LONP2: variants seen among roughly 807,000 people sequenced by gnomAD.
LONP2 encodes the protein lon protease homolog 2, peroxisomal.
LONP2 carries 60 observed loss-of-function variants against 85.6 expected under a neutral mutation model. The ratio of observed to expected loss-of-function variants is 0.70; its 90% CI spans 0.57 to 0.87. LONP2 has a LOEUF of 0.87. Ranked by LOEUF, LONP2 falls within the 40% of genes least tolerant of loss-of-function variation. The pLI, the probability that LONP2 is intolerant of heterozygous loss-of-function variation, is 0.00. For missense variants in LONP2, 860 were observed against 1,063.5 expected, an observed-to-expected ratio of 0.81 and a Z score of 2.66; for synonymous variants, 395 against 389.7, an observed-to-expected ratio of 1.01 and a Z score of -0.16.
At chr16:48,279,624 CT>C (rs1567320477) in intron 8 of LONP2, among the ~76,000 whole-genome samples, 1 of 151,124 alleles carries the variant, frequency 6.6e-6, no homozygotes, top group Non-Finnish European at 1.5e-5. Flanking sequence ...GTTTTATGTT[CT>C]TAAGAAAATA....
At chr16:48,263,605 T>TC (rs1260267239) in intron 6 of LONP2, among the ~76,000 whole-genome samples, 2 of 152,222 alleles carry the variant, frequency 1.3e-5, no homozygotes, top group Non-Finnish European at 2.9e-5. Flanking sequence ...CACTTATGTG[T>TC]CAGTAGACAT....
chr16:48,359,313 C>G (rs190455168), downstream of LONP2, among the ~76,000 whole-genome samples: 1 of 152,190 alleles, frequency 6.6e-6, no homozygotes, highest in African/African-American at 2.4e-5. Flanking sequence ...TATAATGTAA[C>G]CCTTTCACCA....
At chr16:48,321,085 A>G (rs1973253413) in intron 11 of LONP2, among the ~76,000 whole-genome samples, 1 of 152,064 alleles carries the variant, frequency 6.6e-6, no homozygotes, top group Admixed American at 6.5e-5. Context: ...AGGTTTTGCC[A>G]TGTTGCTCAG....
At chr16:48,361,955 T>C (rs1304182008), downstream of LONP2, 7 of 1,614,148 alleles carry the variant, frequency 4.3e-6, no homozygotes, top group East Asian at 1.3e-4. Flanking sequence ...CCTCTCCCTG[T>C]AGGGTTGTAA....
chr16:48,343,056 CAG>C (rs1456004459), intron 12 of LONP2, among the ~76,000 whole-genome samples: 2 of 152,206 alleles, frequency 1.3e-5, no homozygotes, highest in Non-Finnish European at 2.9e-5. Context: ...TCTCTCCAAA[CAG>C]GGAGGGACGC....
intron 8 of LONP2, among the ~76,000 whole-genome samples, chr16:48,283,251 A>G (rs777717103): frequency 3.9e-5 from 6 of 152,270 alleles, no homozygotes; most frequent in Non-Finnish European, 5.9e-5. Context: ...AAGCTGCATC[A>G]TGTTATCTAT....
intron 11 of LONP2, among the ~76,000 whole-genome samples, chr16:48,305,219 C>T (rs1480274145): frequency 6.6e-6 from 1 of 152,092 alleles, no homozygotes; most frequent in African/African-American, 2.4e-5. Context: ...GTATTTTATC[C>T]AGACTTTAAA....
At chr16:48,315,159 C>T (rs1376217891) in intron 11 of LONP2, among the ~76,000 whole-genome samples, 1 of 152,152 alleles carries the variant, frequency 6.6e-6, no homozygotes, top group Non-Finnish European at 1.5e-5. Context: ...AATGACAATT[C>T]GGTAGGATTC....
At position 48,268,164 on chromosome 16, in the gene LONP2, C is replaced by G. The variant is rs1018855514; in HGVS notation, c.983-1852C>G. ...AAAACAGGAAGCATGCTTTCTGAAT[C>G]ATTAAAGAGAATAATTAGAAAAATA... On this transcript the variant is annotated intron_variant, in intron 6 of 14. Transcript: ENST00000285737. 2.0e-5 allele frequency among the ~76,000 whole-genome samples: 3 copies of G among 152,002 alleles called. No individual in the cohort carries two copies. The South Asian group carries it at 6.2e-4, about 32-fold the overall frequency.
At chr16:48,325,288 G>A (rs1478700255) in intron 11 of LONP2, among the ~76,000 whole-genome samples, 2 of 152,170 alleles carry the variant, frequency 1.3e-5, no homozygotes, top group Non-Finnish European at 2.9e-5. Flanking sequence ...CTCCTGACAG[G>A]CCATGGACTG....
intron 7 of LONP2, among the ~76,000 whole-genome samples, chr16:48,271,013 T>C (rs1972092072): frequency 6.6e-6 from 1 of 152,042 alleles, no homozygotes; most frequent in Non-Finnish European, 1.5e-5. Flanking sequence ...AATTTTTGTC[T>C]CCACAAAAAT....
chr16:48,253,106 A>T (rs1488440019), intron 2 of LONP2, among the ~76,000 whole-genome samples: 1 of 152,194 alleles, frequency 6.6e-6, no homozygotes, highest in Non-Finnish European at 1.5e-5. Context: ...GTTCATAGCC[A>T]GTGGTATTTG....
intron 8 of LONP2, among the ~76,000 whole-genome samples, chr16:48,294,503 C>T (rs773696778): frequency 1.5e-4 from 23 of 152,114 alleles, no homozygotes; most frequent in Non-Finnish European, 2.5e-4. Flanking sequence ...TGGTAGCGCA[C>T]GTCTGTAATC....
Position 48,325,968 on chromosome 16 carries a change from G to A in LONP2, c.1796-8248G>A, listed in dbSNP as rs529727393. On this transcript the variant is annotated intron_variant, in intron 11 of 14. Coordinates refer to ENST00000285737, the MANE Select transcript of LONP2 (RefSeq NM_031490.5). ...GTTGGGACAAAAAGTGTCTTTGAGAGTCAGTAGTCCTAATACTGTCTGTGA... is the reference window on the plus strand; with the variant it reads ...GTTGGGACAAAAAGTGTCTTTGAGAATCAGTAGTCCTAATACTGTCTGTGA... Among the ~76,000 whole-genome samples, 15 of 152,344 alleles carry A rather than the reference G, an allele frequency of 9.8e-5. 1 individual carries two copies. In the South Asian group the frequency reaches 2.5e-3, roughly 25 times the overall value.
At chr16:48,250,806 C>T (rs563654920) in intron 1 of LONP2, among the ~76,000 whole-genome samples, 3 of 152,320 alleles carry the variant, frequency 2.0e-5, no homozygotes, top group Admixed American at 6.5e-5. Context: ...AGTGGGCTTT[C>T]AGGAAGTGGG....
chr16:48,268,298 A>G (rs1972033023), intron 6 of LONP2, among the ~76,000 whole-genome samples: 1 of 152,218 alleles, frequency 6.6e-6, no homozygotes, highest in South Asian at 2.1e-4. Context: ...ATTTCTTGCA[A>G]GAAATTTCTT....
chr16:48,258,562 T>C lies in LONP2; in HGVS notation c.601-56T>C, dbSNP rs1341355254. ...TTTAAACCATGGCTCTGACTGTCTG[T>C]TTTTGGATTGTGTGTTTCTGAGAGA... On this transcript the variant is annotated intron_variant, in intron 3 of 14. Coordinates refer to ENST00000285737, the MANE Select transcript of LONP2 (RefSeq NM_031490.5). 12 of 1,527,806 alleles carry C rather than the reference T, an allele frequency of 7.9e-6. No homozygotes were observed. In the African/African-American group the frequency reaches 1.3e-4, roughly 16 times the overall value. The allele number at this position is 1,527,806 out of a possible 1,614,324, so 94.6% of individuals were successfully genotyped here.
intron 7 of LONP2, among the ~76,000 whole-genome samples, chr16:48,270,744 T>G (rs1323331196): frequency 6.6e-6 from 1 of 152,152 alleles, no homozygotes; most frequent in Non-Finnish European, 1.5e-5. Context: ...ATTATGAATA[T>G]GAGTAATAAG....
chr16:48,264,436 T>C (rs1260109043), intron 6 of LONP2, among the ~76,000 whole-genome samples: 2 of 152,210 alleles, frequency 1.3e-5, no homozygotes, highest in Non-Finnish European at 2.9e-5. Context: ...GAAATATGGC[T>C]CTGTTCTGCC....
Sources: allele counts gnomAD v4.1 joint callset (sites outside exome capture counted in the v4.1 genomes callset), GRCh38; gene constraint gnomAD v4.1.1; transcripts MANE v1.5; gene names NCBI Gene and HGNC (gene_info 2026-07-23, HGNC 2026-07-21).